The following NRG3 variants were observed in gnomAD, a reference collection of about 807,000 sequenced individuals.
NRG3 encodes pro-neuregulin-3, membrane-bound isoform.
In NRG3, 31 loss-of-function variants were observed where a neutral mutation model predicts 66.9. The ratio of observed to expected loss-of-function variants is 0.46; its 90% CI spans 0.35 to 0.63. The LOEUF is 0.63. Ranked by LOEUF, NRG3 falls within the 20% of genes least tolerant of loss-of-function variation. NRG3 has a pLI of 0.00. For synonymous variants in NRG3, 393 were observed against 359.4 expected (o/e 1.09, Z -1.06); for missense variants, 910 against 878.9 (o/e 1.04, Z -0.45).
intron 2 of NRG3, among the ~76,000 whole-genome samples, chr10:82,626,336 C>T (rs1246727536): frequency 6.6e-6 from 1 of 152,022 alleles, no homozygotes; most frequent in African/African-American, 2.4e-5. Context: ...GATAACCTAC[C>T]GGCTGTATGG....
At chr10:82,394,287 C>T (rs1564873472) in intron 2 of NRG3, among the ~76,000 whole-genome samples, 1 of 152,226 alleles carries the variant, frequency 6.6e-6, no homozygotes, top group African/African-American at 2.4e-5. Flanking sequence ...AGCAGGACTA[C>T]GATGAGCGGG....
chr10:82,517,718 A>G (rs948456252), intron 2 of NRG3, among the ~76,000 whole-genome samples: 1 of 148,782 alleles, frequency 6.7e-6, no homozygotes, highest in Non-Finnish European at 1.5e-5. Context: ...TGTCTGTAGA[A>G]TTAGGTGGAG....
At chr10:81,893,910 T>C (rs1843262949) in intron 1 of NRG3, among the ~76,000 whole-genome samples, 3 of 152,188 alleles carry the variant, frequency 2.0e-5, no homozygotes. Context: ...AAAAGATTTT[T>C]TTCCTGAAAC....
chr10:82,177,389 A>G (rs1169149776), intron 1 of NRG3, among the ~76,000 whole-genome samples: 3 of 152,134 alleles, frequency 2.0e-5, no homozygotes, highest in African/African-American at 7.2e-5. Context: ...AATTATTTTT[A>G]AAAGAAAAGG....
intron 1 of NRG3, among the ~76,000 whole-genome samples, chr10:82,152,829 T>G (rs890228414): frequency 6.7e-6 from 1 of 149,816 alleles, no homozygotes; most frequent in African/African-American, 2.5e-5. Context: ...TTTTTCTTTC[T>G]CTTTCTCTTT....
At chr10:82,390,455 G>T (rs906781605) in intron 2 of NRG3, among the ~76,000 whole-genome samples, 2 of 152,098 alleles carry the variant, frequency 1.3e-5, no homozygotes, top group Non-Finnish European at 2.9e-5. Flanking sequence ...TGAGGAAGAA[G>T]TATATTCTTT....
At chr10:82,036,900 G>A (rs2062815999) in intron 1 of NRG3, among the ~76,000 whole-genome samples, 2 of 152,104 alleles carry the variant, frequency 1.3e-5, no homozygotes. Flanking sequence ...AACAGGTCTT[G>A]GGGTAGCAAT....
At chr10:81,974,153 A>G (rs1009389636) in intron 1 of NRG3, among the ~76,000 whole-genome samples, 8 of 152,120 alleles carry the variant, frequency 5.3e-5, no homozygotes, top group African/African-American at 1.9e-4. Flanking sequence ...AGCACCATTT[A>G]TTGAATAAGG....
At chr10:82,751,590 T>C (rs748456496) in intron 3 of NRG3, among the ~76,000 whole-genome samples, 1 of 152,164 alleles carries the variant, frequency 6.6e-6, no homozygotes, top group Non-Finnish European at 1.5e-5. Context: ...CAACCTATTC[T>C]AGTTCATACA....
intron 1 of NRG3, among the ~76,000 whole-genome samples, chr10:82,001,971 T>C (rs1219024930): frequency 2.0e-5 from 3 of 152,118 alleles, no homozygotes; most frequent in Non-Finnish European, 4.4e-5. Flanking sequence ...TTGGAGCCCA[T>C]TGCAAAACCT....
intron 2 of NRG3, among the ~76,000 whole-genome samples, chr10:82,707,559 G>C (rs1373474364): frequency 2.2e-5 from 1 of 45,710 alleles, no homozygotes; most frequent in Admixed American, 3.0e-4. Context: ...CTGGTTAATT[G>C]TTTGTTTTTG....
chr10:82,604,269 A>C (rs1424633122), intron 2 of NRG3, among the ~76,000 whole-genome samples: 1 of 152,122 alleles, frequency 6.6e-6, no homozygotes, highest in East Asian at 1.9e-4. Flanking sequence ...TTTTTTCCAG[A>C]ATGTCATACA....
intron 8 of NRG3, among the ~76,000 whole-genome samples, chr10:82,981,763 C>A (rs1474796971): frequency 6.6e-6 from 1 of 152,098 alleles, no homozygotes; most frequent in East Asian, 1.9e-4. Flanking sequence ...TCAATGACAG[C>A]CATGGTAATG....
chr10:82,457,842 T>C (rs2091341655), intron 2 of NRG3, among the ~76,000 whole-genome samples: 1 of 152,158 alleles, frequency 6.6e-6, no homozygotes, highest in Non-Finnish European at 1.5e-5. Flanking sequence ...AATTTGGCAG[T>C]GATAAACTCA....
intron 1 of NRG3, among the ~76,000 whole-genome samples, chr10:82,007,162 G>C (rs1175573860): frequency 6.7e-6 from 1 of 149,046 alleles, no homozygotes; most frequent in Non-Finnish European, 1.5e-5. Context: ...AACTGTCATT[G>C]TGCTATTATA....
At chr10:82,697,947 A>G (rs1303195297) in intron 2 of NRG3, among the ~76,000 whole-genome samples, 1 of 152,156 alleles carries the variant, frequency 6.6e-6, no homozygotes, top group African/African-American at 2.4e-5. Flanking sequence ...GGTGAAGCAC[A>G]GTTGCCCTGT....
intron 1 of NRG3, among the ~76,000 whole-genome samples, chr10:82,170,702 A>G (rs1289545482): frequency 7.3e-6 from 1 of 137,680 alleles, no homozygotes; most frequent in Non-Finnish European, 1.6e-5. Flanking sequence ...ATATATGTAA[A>G]TATATATAGG....
At chr10:82,809,912 G>A (rs779060655) in intron 3 of NRG3, among the ~76,000 whole-genome samples, 56 of 150,284 alleles carry the variant, frequency 3.7e-4, no homozygotes, top group Non-Finnish European at 6.2e-4. Flanking sequence ...GGGTTGTAAA[G>A]GCATTTCAAT....
chr10:82,572,664 CT>C (rs754802142), intron 2 of NRG3, among the ~76,000 whole-genome samples: 9 of 151,316 alleles, frequency 5.9e-5, no homozygotes, highest in Non-Finnish European at 1.2e-4. Context: ...CCTTATTCCT[CT>C]TTCTTTTCTA....
Sources: allele counts gnomAD v4.1 joint callset (sites outside exome capture counted in the v4.1 genomes callset), GRCh38; gene constraint gnomAD v4.1.1; transcripts MANE v1.5; gene names NCBI Gene and HGNC (gene_info 2026-07-23, HGNC 2026-07-21).